Variants in RBM26 observed in about 807,000 individuals in gnomAD.
The protein encoded by RBM26 is RNA-binding protein 26.
Under a neutral mutation model 123.6 loss-of-function variants are expected in RBM26, and 30 were observed. The observed-to-expected ratio is 0.24, with a 90% CI of 0.18 to 0.33. The LOEUF (loss-of-function observed/expected upper bound fraction) is 0.33, where lower values mean the gene tolerates loss of function less well. RBM26 is among the 10% of genes least tolerant of loss of function. The pLI is 1.00. For synonymous variants in RBM26, 400 were observed against 404.4 expected (o/e 0.99, Z 0.13); for missense variants, 947 against 1,203.6 (o/e 0.79, Z 3.15).
chr13:79,357,615 CAA>C (rs1051216246), intron 11 of RBM26, among the ~76,000 whole-genome samples: 1 of 151,990 alleles, frequency 6.6e-6, no homozygotes, highest in African/African-American at 2.4e-5. Context: ...ATCTGGGCCC[CAA>C]AAGTCTCTAT....
intron 1 of RBM26, among the ~76,000 whole-genome samples, chr13:79,382,722 A>T (rs1157988439): frequency 6.6e-6 from 1 of 151,988 alleles, no homozygotes; most frequent in East Asian, 1.9e-4. Flanking sequence ...CTGGGGGGGA[A>T]ACATAAATTA....
intron 14 of RBM26, among the ~76,000 whole-genome samples, chr13:79,350,232 T>C (rs781211271): frequency 2.0e-4 from 31 of 152,208 alleles, no homozygotes; most frequent in Admixed American, 1.2e-3. Context: ...TATTTTTACA[T>C]TGCAAAAACC....
chr13:79,353,323 ATG>A (rs2073527323), intron 13 of RBM26, 99 bp from the exon 14 acceptor site: 1 of 633,644 alleles, frequency 1.6e-6, no homozygotes, highest in Non-Finnish European at 2.6e-6. Context: ...TACAGAGTCT[ATG>A]AGTATACCAA....
chr13:79,349,879 G>C lies in RBM26; in HGVS notation c.2058+3274C>G, dbSNP rs565530266. Among the ~76,000 whole-genome samples the C allele has an allele frequency of 2.2e-4, 33 of 152,158 alleles. 1 individual carries two copies. In the East Asian group the frequency reaches 6.4e-3, roughly 29 times the overall value. ...GGCCCAGCTAATTTTTGTATTTTTA[G>C]AAGAGACAGGGTTTCACTGTATTGG... On this transcript the variant is annotated intron_variant, in intron 14 of 21. Coordinates refer to ENST00000438737, the MANE Select transcript of RBM26 (RefSeq NM_001366735.2).
intron 15 of RBM26, 109 bp from the exon 16 acceptor site, chr13:79,344,431 T>C (rs2071947629): frequency 3.3e-6 from 3 of 913,678 alleles, no homozygotes; most frequent in Admixed American, 2.2e-5. Context: ...AAAAATTATA[T>C]GCAAGGCTTT....
intron 10 of RBM26, 115 bp from the exon 11 acceptor site, chr13:79,358,548 T>A: frequency 1.3e-6 from 1 of 792,470 alleles, no homozygotes; most frequent in Non-Finnish European, 2.0e-6. Context: ...TCCCCCAAAC[T>A]GAAATTACTG....
intron 19 of RBM26, among the ~76,000 whole-genome samples, chr13:79,334,986 T>C (rs1433859959): frequency 6.6e-6 from 1 of 152,158 alleles, no homozygotes. Context: ...TTTATAGTTG[T>C]TTAGAACATT....
At chr13:79,372,843 TA>T (rs1204695394) in intron 3 of RBM26, among the ~76,000 whole-genome samples, 5 of 90,632 alleles carry the variant, frequency 5.5e-5, no homozygotes, top group Admixed American at 2.8e-4. Context: ...ATAAATATAT[TA>T]TATATTATAT....
In RBM26 at chr13:79,342,657, T is replaced by TA. The variant is rs79278660; in HGVS notation, c.2427+6dup. The TA allele has an allele frequency of 1, 1,586,429 of 1,590,328 alleles. 791,363 individuals carry two copies. Among genetic ancestry groups the TA allele is most frequent in the East Asian group, 1 (44,666 of 44,666 alleles). ...GTAATAATATGAACAACAATGAAAT[T>TA]AAATACCTGAGTCTTGGTTTTTATA... On this transcript the variant is annotated splice_region_variant and intron_variant, in intron 17 of 21. Transcript: ENST00000438737.
exon 5 of RBM26, chr13:79,313,514 A>G (rs146762507): frequency 3.5e-4 from 53 of 151,964 alleles, no homozygotes; most frequent in African/African-American, 1.3e-3. Flanking sequence ...TCTTTACCCT[A>G]GCAGTAAACC....
chr13:79,342,943 G>T, intron 16 of RBM26, 112 bp from the exon 17 acceptor site: 1 of 650,588 alleles, frequency 1.5e-6, no homozygotes, highest in Non-Finnish European at 2.5e-6. Context: ...TTTAGTTTAT[G>T]CATTCGTGAG....
chr13:79,380,950 C>T (rs1041126643), intron 1 of RBM26, among the ~76,000 whole-genome samples: 9 of 152,046 alleles, frequency 5.9e-5, no homozygotes, highest in Admixed American at 5.9e-4. Context: ...CTATTTTCAT[C>T]CAATTCAAAA....
chr13:79,373,462 TA>T (rs1170012546), intron 3 of RBM26, among the ~76,000 whole-genome samples: 10 of 71,742 alleles, frequency 1.4e-4, no homozygotes, highest in African/African-American at 3.8e-4. Flanking sequence ...TAAATATATA[TA>T]ATATGTATAA....
chr13:79,325,912 C>T (rs1225958993), intron 20 of RBM26, among the ~76,000 whole-genome samples: 1 of 152,060 alleles, frequency 6.6e-6, no homozygotes, highest in African/African-American at 2.4e-5. Context: ...TTTACTGTAC[C>T]TTTTCTATGT....
At position 79,337,366 on chromosome 13, in the gene RBM26, A is replaced by G. The variant is rs2070626749; in HGVS notation, c.2533-64T>C. On this transcript the variant is annotated intron_variant, in intron 18 of 21. Coordinates refer to ENST00000438737, the MANE Select transcript of RBM26 (RefSeq NM_001366735.2). ...ATTACTAACACAAGCCAAGCATTACACTCTGGCAGATGAATAAAACTTTAA... is the reference window on the plus strand; with the variant it reads ...ATTACTAACACAAGCCAAGCATTACGCTCTGGCAGATGAATAAAACTTTAA... 1.9e-6 allele frequency: 3 copies of G among 1,551,182 alleles called. No homozygotes were observed. The South Asian group carries it at 3.4e-5, about 17-fold the overall frequency.
chr13:79,344,301 CCTG>C lies in RBM26; in HGVS notation c.2203_2205del (p.Gln735del). 6.2e-7 allele frequency: 1 copy of C among 1,609,460 alleles called. No homozygotes were observed. The highest frequency in any genetic ancestry group is 8.5e-7 in the Non-Finnish European group (1 of 1,176,198). On this transcript the variant is annotated inframe_deletion, in exon 16 of 22. Coordinates refer to ENST00000438737, the MANE Select transcript of RBM26 (RefSeq NM_001366735.2). ...ATTTCTTGTTTCCTTTTCCTTACAT[CCTG>C]CTGAAGTTTCAATGCCTCCTAGAAT...
At chr13:79,328,409 T>C (rs2068758350) in intron 20 of RBM26, among the ~76,000 whole-genome samples, 1 of 151,862 alleles carries the variant, frequency 6.6e-6, no homozygotes, top group East Asian at 1.9e-4. Flanking sequence ...ACAGGCTTCC[T>C]ATTTCACTCC....
intron 3 of RBM26, among the ~76,000 whole-genome samples, chr13:79,372,260 G>A (rs572735070): frequency 1.1e-4 from 17 of 152,098 alleles, no homozygotes; most frequent in Admixed American, 4.6e-4. Context: ...CAGCCTGGGC[G>A]ACAGAGTGAG....
intron 20 of RBM26, among the ~76,000 whole-genome samples, chr13:79,329,732 G>T (rs2069000972): frequency 6.6e-6 from 1 of 152,060 alleles, no homozygotes; most frequent in African/African-American, 2.4e-5. Flanking sequence ...ATCAAAATAT[G>T]AACCTTATCT....
Sources: allele counts gnomAD v4.1 joint callset (sites outside exome capture counted in the v4.1 genomes callset), GRCh38; gene constraint gnomAD v4.1.1; transcripts MANE v1.5; gene names NCBI Gene and HGNC (gene_info 2026-07-23, HGNC 2026-07-21).